The following RIMS2 variants were observed in gnomAD, a reference collection of about 807,000 sequenced individuals.
The protein encoded by RIMS2 is regulating synaptic membrane exocytosis 2.
In RIMS2, 59 loss-of-function variants were observed where a neutral mutation model predicts 174.4. That is an observed-to-expected ratio of 0.34 (90% CI 0.27 to 0.42). The LOEUF is 0.42. RIMS2 is among the 10% of genes least tolerant of loss of function. The pLI is 1.00. For synonymous variants in RIMS2, 606 were observed against 572.5 expected (o/e 1.06, Z -0.84); for missense variants, 1,620 against 1,666.3 (o/e 0.97, Z 0.48).
At chr8:103,525,219 T>A (rs894839183) in intron 1 of RIMS2, among the ~76,000 whole-genome samples, 2 of 152,232 alleles carry the variant, frequency 1.3e-5, no homozygotes, top group South Asian at 2.1e-4. Flanking sequence ...CAGGGGCTGG[T>A]AGAAAAACTT....
chr8:103,910,569 T>C (rs2075476032), intron 5 of RIMS2, 40 bp downstream of exon 8: 2 of 1,244,260 alleles, frequency 1.6e-6, no homozygotes, highest in African/African-American at 3.0e-5. Flanking sequence ...CCTGCTCATT[T>C]GGTCTTCGTT....
intron 19 of RIMS2, among the ~76,000 whole-genome samples, chr8:104,169,341 A>ATATATATATAT (rs1563510137): frequency 4.4e-3 from 148 of 33,614 alleles, no homozygotes; most frequent in Middle Eastern, 0.015. Context: ...TATATATATA[A>ATATATATATAT]AACAGATTCA....
chr8:104,034,169 T>C (rs1031625648), intron 19 of RIMS2, among the ~76,000 whole-genome samples: 37 of 152,278 alleles, frequency 2.4e-4, no homozygotes, highest in African/African-American at 7.7e-4. Context: ...TCTTTTTCAA[T>C]TGGTGTTTTA....
chr8:103,897,255 C>G lies in RIMS2; in HGVS notation c.1624+11032C>G, dbSNP rs538724624. The stretch of plus-strand genomic sequence containing the variant: ...ACAAAGTGGATGGCCATCTGAAGCC[C>G]TGGCCTATTTTCTTCATTGCTTTCT... On this transcript the variant is annotated intron_variant, in intron 4 of 23. Coordinates refer to ENST00000504942, the Ensembl canonical transcript of RIMS2. Among the ~76,000 whole-genome samples, 3 of 151,824 alleles carry G rather than the reference C, an allele frequency of 2.0e-5. 1 individual carries two copies. In the South Asian group the frequency reaches 6.2e-4, roughly 31 times the overall value.
chr8:104,134,690 A>C (rs2098503789), intron 19 of RIMS2, among the ~76,000 whole-genome samples: 1 of 152,192 alleles, frequency 6.6e-6, no homozygotes, highest in Non-Finnish European at 1.5e-5. Flanking sequence ...TTTTCCTCAC[A>C]AATTGATGTG....
At chr8:103,962,611 T>G (rs761166365) in intron 15 of RIMS2, among the ~76,000 whole-genome samples, 1 of 152,112 alleles carries the variant, frequency 6.6e-6, no homozygotes, top group Non-Finnish European at 1.5e-5. Flanking sequence ...CTTTATTTTT[T>G]ATTGATTGAT....
chr8:104,083,934 T>A (rs868523670), intron 19 of RIMS2, among the ~76,000 whole-genome samples: 1 of 152,134 alleles, frequency 6.6e-6, no homozygotes, highest in Non-Finnish European at 1.5e-5. Context: ...TCTATATCAA[T>A]ACACAGCTAA....
intron 1 of RIMS2, among the ~76,000 whole-genome samples, chr8:103,635,755 G>C (rs1156765145): frequency 6.6e-6 from 1 of 152,132 alleles, no homozygotes; most frequent in Non-Finnish European, 1.5e-5. Context: ...GCTGAGCTGT[G>C]CTGGGGTTCC....
chr8:103,678,044 A>G (rs1053425767), intron 1 of RIMS2, among the ~76,000 whole-genome samples: 1 of 152,186 alleles, frequency 6.6e-6, no homozygotes, highest in African/African-American at 2.4e-5. Flanking sequence ...AGACAGATGT[A>G]TGGCGAAACC....
chr8:104,202,359 T>G (rs1331862333), intron 19 of RIMS2, among the ~76,000 whole-genome samples: 1 of 152,230 alleles, frequency 6.6e-6, no homozygotes, highest in East Asian at 1.9e-4. Context: ...TTTTAAAATC[T>G]TAGAATAGAT....
chr8:103,800,508 A>G (rs879861814), intron 3 of RIMS2, among the ~76,000 whole-genome samples: 5 of 152,104 alleles, frequency 3.3e-5, no homozygotes, highest in Admixed American at 1.3e-4. Flanking sequence ...ATTGTCTTCT[A>G]TTACTAATTT....
At chr8:103,651,876 C>T (rs965206113) in intron 1 of RIMS2, among the ~76,000 whole-genome samples, 2 of 151,956 alleles carry the variant, frequency 1.3e-5, no homozygotes, top group African/African-American at 4.8e-5. Flanking sequence ...TTGCACTTAA[C>T]TAAATGTAAT....
At chr8:103,999,306 T>C (rs2095282589) in intron 17 of RIMS2, among the ~76,000 whole-genome samples, 1 of 151,814 alleles carries the variant, frequency 6.6e-6, no homozygotes, top group Non-Finnish European at 1.5e-5. Context: ...ATAGCAACAG[T>C]AATTTACTAG....
intron 19 of RIMS2, among the ~76,000 whole-genome samples, chr8:104,054,585 C>T (rs948485253): frequency 6.6e-6 from 1 of 152,064 alleles, no homozygotes; most frequent in Non-Finnish European, 1.5e-5. Flanking sequence ...GCTACATAAG[C>T]TTCACTGATT....
At chr8:103,656,307 A>G (rs2096530810) in intron 1 of RIMS2, among the ~76,000 whole-genome samples, 1 of 152,160 alleles carries the variant, frequency 6.6e-6, no homozygotes, top group Non-Finnish European at 1.5e-5. Flanking sequence ...TAAGATGCTT[A>G]TAATTATCCA....
chr8:103,864,349 A>G (rs576413234), intron 3 of RIMS2, among the ~76,000 whole-genome samples: 7 of 152,160 alleles, frequency 4.6e-5, no homozygotes, highest in African/African-American at 1.7e-4. Context: ...TTTTTGCTGC[A>G]TCACAGAGGT....
intron 19 of RIMS2, among the ~76,000 whole-genome samples, chr8:104,241,993 C>A (rs942740234): frequency 1.3e-5 from 2 of 152,140 alleles, no homozygotes; most frequent in Admixed American, 6.5e-5. Context: ...CTCCTGGCCT[C>A]AAGTGATCTG....
chr8:104,042,267 G>A (rs1352556176), intron 19 of RIMS2, among the ~76,000 whole-genome samples: 2 of 151,520 alleles, frequency 1.3e-5, no homozygotes, highest in Non-Finnish European at 3.0e-5. Flanking sequence ...AGCATTTCAG[G>A]CAGAGGAAAC....
chr8:104,176,741 G>GA (rs1266041197), intron 19 of RIMS2, among the ~76,000 whole-genome samples: 2 of 151,142 alleles, frequency 1.3e-5, no homozygotes, highest in Non-Finnish European at 1.5e-5. Flanking sequence ...GATAGTGAAA[G>GA]AAAAAATGAA....
Sources: allele counts gnomAD v4.1 joint callset (sites outside exome capture counted in the v4.1 genomes callset), GRCh38; gene constraint gnomAD v4.1.1; transcripts MANE v1.5; gene names NCBI Gene and HGNC (gene_info 2026-07-23, HGNC 2026-07-21).